Variants in CUX1 observed in about 807,000 individuals in gnomAD.
CUX1 encodes protein CASP.
A neutral mutation model predicts 158.8 loss-of-function variants in CUX1; 31 were observed. The observed-to-expected ratio is 0.20, with a 90% confidence interval of 0.15 to 0.26. The LOEUF is 0.26. Among genes scored for constraint, CUX1 ranks in the 10% least tolerant of loss-of-function variants. The pLI, the probability that CUX1 is intolerant of heterozygous loss-of-function variation, is 1.00. For missense variants in CUX1, 1,589 were observed against 2,014.6 expected, an observed-to-expected ratio of 0.79 and a Z score of 4.04; for synonymous variants, 879 against 862.1, an observed-to-expected ratio of 1.02 and a Z score of -0.34.
intron 2 of CUX1, among the ~76,000 whole-genome samples, chr7:102,027,419 C>T (rs1820172526): frequency 6.6e-6 from 1 of 152,088 alleles, no homozygotes; most frequent in East Asian, 1.9e-4. Context: ...GGCCCAGGTC[C>T]ATTTCAGATA....
intron 2 of CUX1, among the ~76,000 whole-genome samples, chr7:101,984,261 C>T (rs1366489975): frequency 6.7e-6 from 1 of 148,712 alleles, no homozygotes; most frequent in East Asian, 2.0e-4. Flanking sequence ...TTTTATTTCT[C>T]TTTATTTCCT....
intron 14 of CUX1, among the ~76,000 whole-genome samples, chr7:102,266,217 A>G (rs1194073453): frequency 2.0e-5 from 3 of 150,294 alleles, no homozygotes; most frequent in Non-Finnish European, 2.9e-5. Flanking sequence ...AAAAAAAAAA[A>G]AAAGAGAGAG....
At chr7:102,204,680 A>T (rs1372201876) in intron 19 of CUX1, 124 bp downstream of exon 19, 8 of 1,270,252 alleles carry the variant, frequency 6.3e-6, no homozygotes, top group Non-Finnish European at 8.6e-6. Context: ...GGCCAACCAC[A>T]CTCCCCACCG....
chr7:102,185,864 G>T (rs576699728), intron 11 of CUX1, among the ~76,000 whole-genome samples: 2 of 152,206 alleles, frequency 1.3e-5, no homozygotes, highest in South Asian at 4.1e-4. Flanking sequence ...GTCAAGATCT[G>T]CACTGTAGGA....
At chr7:102,042,049 T>TGTGA (rs1225525272) in intron 3 of CUX1, among the ~76,000 whole-genome samples, 3 of 147,974 alleles carry the variant, frequency 2.0e-5, no homozygotes, top group African/African-American at 7.4e-5. Flanking sequence ...TGAGTGAGTG[T>TGTGA]GTGAGTGTGT....
chr7:101,996,717 A>C (rs976460849), intron 2 of CUX1, among the ~76,000 whole-genome samples: 7 of 121,832 alleles, frequency 5.7e-5, no homozygotes, highest in South Asian at 2.4e-4. Flanking sequence ...TCCCTCCCTT[A>C]CTTCCTTCCT....
At position 102,256,221 on chromosome 7, in the gene CUX1, C is replaced by T. The variant is rs1789878238; in HGVS notation, c.*7179C>T. Reference sequence around the variant, plus strand: ...CCAGTGTCTGAGGCCACAGCCATCCCTTCCAGCACTTAATCTTGTCTTGTT... The same window carrying T: ...CCAGTGTCTGAGGCCACAGCCATCCTTTCCAGCACTTAATCTTGTCTTGTT... On this transcript the variant is annotated 3_prime_UTR_variant, in exon 24 of 24. Transcript: ENST00000292535. 1.2e-5 allele frequency: 12 copies of T among 985,334 alleles called. No individual in the cohort carries two copies. The highest frequency in any genetic ancestry group is 6.1e-5 in the Admixed American group (1 of 16,274). The allele number at this position is 985,334 out of a possible 1,614,324, so 61.0% of individuals were successfully genotyped here. A position where few individuals can be genotyped will look rare whatever the true frequency, so the allele number is the denominator to read the frequency against.
intron 4 of CUX1, among the ~76,000 whole-genome samples, chr7:102,088,678 T>A (rs1585613404): frequency 6.6e-6 from 1 of 152,276 alleles, no homozygotes; most frequent in Non-Finnish European, 1.5e-5. Flanking sequence ...TGTTGGTGGT[T>A]TGGGTTCTGG....
At chr7:102,104,275 C>G in intron 5 of CUX1, 61 bp from the exon 6 acceptor site, 1 of 1,518,004 alleles carries the variant, frequency 6.6e-7, no homozygotes, top group East Asian at 2.3e-5. Flanking sequence ...AGCCTTGTAC[C>G]TACAGCCATA....
intron 2 of CUX1, among the ~76,000 whole-genome samples, chr7:101,981,413 C>G (rs188961117): frequency 6.6e-6 from 1 of 152,276 alleles, no homozygotes; most frequent in Non-Finnish European, 1.5e-5. Context: ...TGATAAATCT[C>G]AGTTCAGGGC....
chr7:102,239,976 G>C (rs1349717580), intron 23 of CUX1, among the ~76,000 whole-genome samples: 1 of 152,084 alleles, frequency 6.6e-6, no homozygotes, highest in African/African-American at 2.4e-5. Context: ...CAAACATCCT[G>C]ACCTCAGGTG....
At chr7:102,148,890 C>G (rs1554502823) in intron 8 of CUX1, among the ~76,000 whole-genome samples, 1 of 151,764 alleles carries the variant, frequency 6.6e-6, no homozygotes, top group African/African-American at 2.4e-5. Flanking sequence ...ATTTTCATCG[C>G]TTAGCTCCCA....
chr7:102,250,300 C>T lies in CUX1; in HGVS notation c.*1258C>T. 3.0e-6 allele frequency: 3 copies of T among 985,402 alleles called. No homozygotes were observed. The highest frequency in any genetic ancestry group is 3.6e-6 in the Non-Finnish European group (3 of 829,954). 61.0% of individuals were successfully genotyped at this position (985,402 alleles called of 1,614,324 possible). ...TCCGGGCGAGCACAGCAGGCAGTTCCAGGGCCAGACGGGCCCATCCCCAAG... is the reference window on the plus strand; with the variant it reads ...TCCGGGCGAGCACAGCAGGCAGTTCTAGGGCCAGACGGGCCCATCCCCAAG... On this transcript the variant is annotated 3_prime_UTR_variant, in exon 24 of 24. Coordinates refer to ENST00000292535, the MANE Select transcript of CUX1 (RefSeq NM_181552.4).
rs1247084662 is a variant in CUX1 at position 102,204,572 on chromosome 7, C to T, written c.3073+16C>T. 1 of 1,610,212 alleles carries T rather than the reference C, an allele frequency of 6.2e-7. No homozygotes were observed. The highest frequency in any genetic ancestry group is 8.5e-7 in the Non-Finnish European group (1 of 1,177,698). ...CAAGGGCCAGGTAATGGGGGTCCTGCCACAGGAGAGGGGCTGCCCCCCCAT... is the reference window on the plus strand; with the variant it reads ...CAAGGGCCAGGTAATGGGGGTCCTGTCACAGGAGAGGGGCTGCCCCCCCAT... On this transcript the variant is annotated intron_variant, in intron 19 of 23. Transcript: ENST00000292535.
chr7:102,158,538 T>C lies in CUX1; in HGVS notation c.675-22T>C, dbSNP rs370947799. 3 of 1,613,560 alleles carry C rather than the reference T, an allele frequency of 1.9e-6. No individual in the cohort carries two copies. In the African/African-American group the frequency reaches 4.0e-5, roughly 22 times the overall value. On this transcript the variant is annotated intron_variant, in intron 8 of 23. Transcript: ENST00000292535. ...GCCGGTCTCCTTGTGACTAACCTGCTCTCTCCCTCTCACCCTCCTAGGGCC... is the reference window on the plus strand; with the variant it reads ...GCCGGTCTCCTTGTGACTAACCTGCCCTCTCCCTCTCACCCTCCTAGGGCC...
upstream of CUX1, chr7:101,816,055 T>C (rs200925347): frequency 3.5e-6 from 5 of 1,425,818 alleles, no homozygotes; most frequent in African/African-American, 4.6e-5. Flanking sequence ...GGGATCGATG[T>C]TTCAATATTG....
chr7:102,019,456 C>T (rs1229025920), intron 2 of CUX1, among the ~76,000 whole-genome samples: 1 of 152,176 alleles, frequency 6.6e-6, no homozygotes, highest in Non-Finnish European at 1.5e-5. Flanking sequence ...AACTCCTGCC[C>T]TCATGTGATC....
At chr7:101,888,121 G>T (rs1157160359) in intron 1 of CUX1, among the ~76,000 whole-genome samples, 4 of 152,092 alleles carry the variant, frequency 2.6e-5, no homozygotes, top group Admixed American at 2.0e-4. Context: ...ATCACCTGAG[G>T]TCAGAAGTTC....
At chr7:102,072,472 A>G (rs116451997) in intron 4 of CUX1, among the ~76,000 whole-genome samples, 1 of 152,212 alleles carries the variant, frequency 6.6e-6, no homozygotes, top group African/African-American at 2.4e-5. Flanking sequence ...TTGGCCCTGC[A>G]ATCAGTCTGG....
Sources: gnomAD v4.1 joint callset for allele counts (sites outside exome capture counted in the v4.1 genomes callset) on GRCh38, gnomAD v4.1.1 for gene constraint, MANE v1.5 for transcripts, NCBI Gene and HGNC (gene_info 2026-07-23, HGNC 2026-07-21) for gene names.